The following LRP1 variants were observed in gnomAD, a reference collection of about 807,000 sequenced individuals.
LRP1 encodes the protein LDL receptor related protein 1.
Under a neutral mutation model 541.5 loss-of-function variants are expected in LRP1, and 51 were observed. That is an observed-to-expected ratio of 0.09 (90% CI 0.08 to 0.12). The LOEUF is 0.12. Ranked by LOEUF, LRP1 falls within the 10% of genes least tolerant of loss-of-function variation. The pLI, the probability that LRP1 is intolerant of heterozygous loss-of-function variation, is 1.00. For synonymous variants in LRP1, 2,219 were observed against 2,470.8 expected, an observed-to-expected ratio of 0.90 and a Z score of 3.02; for missense variants, 3,878 against 6,376.2, an observed-to-expected ratio of 0.61 and a Z score of 13.34.
rs1444741504 is a variant in LRP1 at position 57,177,054 on chromosome 12, C to G, written c.4005C>G (p.Phe1335Leu). Residue 1335 changes from phenylalanine (F) to leucine (L), a missense_variant, in exon 25 of 89, where the codon TTC becomes TTG. Phe to Leu is a conservative substitution (Grantham distance 22). Around this residue, in one of 13 missense-constraint regions of LRP1, gnomAD observed 320 missense variants for 547.9 expected, o/e 0.58. Coordinates refer to ENST00000243077, the MANE Select transcript of LRP1 (RefSeq NM_002332.3). This position sits in a 1 kb window ranked among gnomAD's most constrained non-coding sequence, Gnocchi z 6.8. Reference protein sequence around the residue: ...KLLDNGALTSFEVVIQYGLAT... With the variant: ...KLLDNGALTSLEVVIQYGLAT... ...TCTCTTCTCCAGCCCTGACTAGTTT[C>G]GAGGTGGTGATTCAGTATGGCCTGG... 6.2e-7 allele frequency: 1 copy of G among 1,613,964 alleles called. No homozygotes were observed. Among genetic ancestry groups the G allele is most frequent in the Non-Finnish European group, 8.5e-7 (1 of 1,179,968 alleles).
At position 57,128,719 on chromosome 12, in the gene LRP1, G is replaced by A. The variant is rs1043130353; in HGVS notation, c.-246G>A. 1 of 417,476 alleles carries A rather than the reference G, an allele frequency of 2.4e-6. No homozygotes were observed. Among genetic ancestry groups the A allele is most frequent in the Non-Finnish European group, 4.3e-6 (1 of 234,634 alleles). 25.9% of individuals were successfully genotyped at this position (417,476 alleles called of 1,614,324 possible). On this transcript the variant is annotated 5_prime_UTR_variant, in exon 1 of 89. Coordinates refer to ENST00000243077, the MANE Select transcript of LRP1 (RefSeq NM_002332.3). ...GGAAAGAGCAGCGAGGAGTGAAGCG[G>A]GGGGGTGGGGTGAAGGGTTTGGATT... is the stretch of plus-strand genomic sequence containing the variant.
Position 57,181,364 on chromosome 12 carries a change from C to A in LRP1, c.5662+73C>A, listed in dbSNP as rs568244756. Reference sequence around the variant, plus strand: ...GACCCCTCCTACCCTACAGCCCCACCTTCCTCTTCTTACCTTGGGGACAAG... The same window carrying A: ...GACCCCTCCTACCCTACAGCCCCACATTCCTCTTCTTACCTTGGGGACAAG... On this transcript the variant is annotated intron_variant, in intron 34 of 88. Coordinates refer to ENST00000243077, the MANE Select transcript of LRP1 (RefSeq NM_002332.3). 96 of 1,516,570 alleles carry A rather than the reference C, an allele frequency of 6.3e-5. 1 individual carries two copies. Among genetic ancestry groups the A allele is most frequent in the East Asian group, 5.7e-4 (25 of 44,102 alleles). The allele number at this position is 1,516,570 out of a possible 1,614,324, so 93.9% of individuals were successfully genotyped here. A position where few individuals can be genotyped will look rare whatever the true frequency, so the allele number is the denominator to read the frequency against.
Position 57,209,540 on chromosome 12 carries a change from C to T in LRP1, c.12263-152C>T, listed in dbSNP as rs1800161. On this transcript the variant is annotated intron_variant, in intron 79 of 88. Coordinates refer to ENST00000243077, the MANE Select transcript of LRP1 (RefSeq NM_002332.3). ...TGATGGGACCTTTTGCCAGTAGTGG[C>T]CACAGGAGGAGGAACCGGTGTGGGG... The T allele has an allele frequency of 7.2e-3, 4,746 of 660,912 alleles. 22 individuals are homozygous for T. Among genetic ancestry groups the T allele is most frequent in the Middle Eastern group, 0.014 (38 of 2,728 alleles). The allele number at this position is 660,912 out of a possible 1,614,324, so 40.9% of individuals were successfully genotyped here.
rs745607221 is a variant in LRP1 at position 57,191,421 on chromosome 12, C to T, written c.7338C>T (p.Asn2446=). ...DWVRRAVQRA[N]KHVGSNMKLL... Reference sequence around the variant, plus strand: ...TGCGGCGGGCAGTGCAGCGGGCCAACAAGCACGTGGGCAGCAACATGAAGC... The same window carrying T: ...TGCGGCGGGCAGTGCAGCGGGCCAATAAGCACGTGGGCAGCAACATGAAGC... The change falls in exon 44 of 89, where the codon AAC becomes AAT. Residue 2446 remains asparagine (N), a synonymous_variant. Transcript: ENST00000243077. 1 of 1,613,386 alleles carries T rather than the reference C, an allele frequency of 6.2e-7. No homozygotes were observed. The highest frequency in any genetic ancestry group is 8.5e-7 in the Non-Finnish European group (1 of 1,179,540).
At chr12:57,130,050 TG>T in intron 1 of LRP1, among the ~76,000 whole-genome samples, 1 of 152,142 alleles carries the variant, frequency 6.6e-6, no homozygotes. Flanking sequence ...TCCCTTTTTT[TG>T]TCAGCTGTTT....
intron 44 of LRP1, among the ~76,000 whole-genome samples, chr12:57,191,754 A>C: frequency 1.7e-5 from 2 of 116,242 alleles, no homozygotes; most frequent in African/African-American, 3.4e-5. Context: ...ATACACCCCC[A>C]ACACATACAC....
chr12:57,188,016 GA>G (rs928139195), intron 42 of LRP1, among the ~76,000 whole-genome samples: 3 of 152,234 alleles, frequency 2.0e-5, no homozygotes, highest in African/African-American at 7.2e-5. Context: ...AAAGCCTGAA[GA>G]AAGGCAAATT....
Position 57,208,784 on chromosome 12 carries a change from A to C in LRP1, c.12112A>C (p.Thr4038Pro). The part of the protein sequence containing the change: ...TAAMDGTLRE[T>P]LVQDNIQWPT... ...AGCGATGGATGGGACGCTTCGGGAGACACTGGTGCAGGACAACATTCAGTG... is the reference window on the plus strand; with the variant it reads ...AGCGATGGATGGGACGCTTCGGGAGCCACTGGTGCAGGACAACATTCAGTG... Residue 4038 changes from threonine to proline, a missense_variant, in exon 78 of 89, where the codon ACA (threonine) becomes CCA (proline). Thr to Pro is a conservative substitution (Grantham distance 38). This residue lies in a region of LRP1 where 871 missense variants were observed against 1,212.4 expected (regional missense o/e 0.72). Transcript: ENST00000243077. The C allele has an allele frequency of 6.2e-7, 1 of 1,614,010 alleles. No individual in the cohort carries two copies. Among genetic ancestry groups the C allele is most frequent in the Non-Finnish European group, 8.5e-7 (1 of 1,179,988 alleles).
chr12:57,149,426 G>A (rs542942560), intron 6 of LRP1: 90 of 573,722 alleles, frequency 1.6e-4, no homozygotes, highest in Non-Finnish European at 2.3e-4. Flanking sequence ...CTCCTCCCCC[G>A]CTGTCTCCTT....
rs752459699 is a variant in LRP1 at position 57,179,978 on chromosome 12, G to C, written c.5141+22G>C. ...GTGGGTCAGTCTAGGGCCCAGGGCC[G>C]GGGAGCATGGGGTGTGGGGCTGGGA... On this transcript the variant is annotated intron_variant, in intron 30 of 88. Coordinates refer to ENST00000243077, the MANE Select transcript of LRP1 (RefSeq NM_002332.3). This position sits in a 1 kb window ranked among gnomAD's most constrained non-coding sequence, Gnocchi z 6.8. The C allele has an allele frequency of 5.0e-6, 8 of 1,613,826 alleles. No individual in the cohort carries two copies. Among genetic ancestry groups the C allele is most frequent in the Non-Finnish European group, 6.8e-6 (8 of 1,179,862 alleles).
At chr12:57,194,944 C>G in intron 50 of LRP1, 41 bp from the exon 51 acceptor site, 1 of 1,540,838 alleles carries the variant, frequency 6.5e-7, no homozygotes, top group South Asian at 1.1e-5. Context: ...GTGGGTGACC[C>G]CCACCCTTCC....
rs568006678 is a variant in LRP1 at position 57,212,014 on chromosome 12, A to G, written c.13346A>G (p.Gln4449Arg). 3 of 1,613,996 alleles carry G rather than the reference A, an allele frequency of 1.9e-6. No individual in the cohort carries two copies. The highest frequency in any genetic ancestry group is 1.1e-5 in the South Asian group (1 of 91,078). The change falls in exon 87 of 89, where the codon CAA becomes CGA. Residue 4449 changes from glutamine (Q) to arginine (R), a missense_variant. By Grantham distance (43) the Gln-to-Arg change is conservative. Coordinates refer to ENST00000243077, the MANE Select transcript of LRP1 (RefSeq NM_002332.3). This position sits in a 1 kb window ranked among gnomAD's most constrained non-coding sequence, Gnocchi z 5.0. ...GVVFWYKRRV[Q>R]GAKGFQHQRM... is the part of the protein sequence containing the mutation. Reference sequence around the variant, plus strand: ...GTATTCTGGTATAAGCGGCGAGTCCAAGGGTGAGTCACAGGGATTCTGGAA... The same window carrying G: ...GTATTCTGGTATAAGCGGCGAGTCCGAGGGTGAGTCACAGGGATTCTGGAA...
chr12:57,142,923 T>TG (rs2136660401), intron 3 of LRP1, among the ~76,000 whole-genome samples: 1 of 152,016 alleles, frequency 6.6e-6, no homozygotes, highest in Non-Finnish European at 1.5e-5. Context: ...CTCTCCTAGG[T>TG]GGGGGTGGAG....
At chr12:57,168,935 C>T (rs1259973423) in intron 19 of LRP1, among the ~76,000 whole-genome samples, 1 of 152,156 alleles carries the variant, frequency 6.6e-6, no homozygotes, top group Non-Finnish European at 1.5e-5. Context: ...CAGGAGCCTT[C>T]TCCTCCTCCT....
Position 57,194,361 on chromosome 12 carries a change from C to G in LRP1, c.7926C>G (p.Thr2642=), listed in dbSNP as rs76765217. 2.0e-6 allele frequency: 3 copies of G among 1,510,028 alleles called. No homozygotes were observed. Among genetic ancestry groups the G allele is most frequent in the African/African-American group, 2.8e-5 (2 of 71,436 alleles). 93.5% of individuals were successfully genotyped at this position (1,510,028 alleles called of 1,614,324 possible). A position where few individuals can be genotyped will look rare whatever the true frequency, so the allele number is the denominator to read the frequency against. Residue 2642 remains threonine (T), a synonymous_variant, in exon 49 of 89, where the codon ACC becomes ACG. Coordinates refer to ENST00000243077, the MANE Select transcript of LRP1 (RefSeq NM_002332.3). ...DASDEMNCSA[T]DCSSYFRLGV... is the part of the protein sequence containing the mutation. The stretch of plus-strand genomic sequence containing the variant: ...CACCCCTGCCCCCACCAGGTGCCAC[C>G]GACTGCAGCAGCTACTTCCGCCTGG...
In LRP1 at chr12:57,201,519, C is replaced by T. The variant is rs774213196; in HGVS notation, c.10368C>T (p.Asn3456=). ...CAGCCGAGGTGACCTGCGCCCCCAA[C>T]CAGTTCCAGTGCTCCATTACCAAAC... ...RDCPEVTCAP[N]QFQCSITKRC... is the part of the protein sequence containing the mutation. The change falls in exon 66 of 89, where the codon AAC becomes AAT. Residue 3456 remains asparagine, a synonymous_variant. Transcript: ENST00000243077. The surrounding 1 kb of genome is among the most constrained non-coding windows in gnomAD (Gnocchi z 6.4). 6.2e-6 allele frequency: 10 copies of T among 1,613,660 alleles called. No homozygotes were observed. The Admixed American group carries it at 6.7e-5, about 11-fold the overall frequency.
At chr12:57,166,563 A>G (rs1297712781) in intron 17 of LRP1, among the ~76,000 whole-genome samples, 1 of 152,148 alleles carries the variant, frequency 6.6e-6, no homozygotes, top group Admixed American at 6.5e-5. Flanking sequence ...CTGTCTCTAA[A>G]AATAAAATGA....
chr12:57,191,502 C>T lies in LRP1; in HGVS notation c.7419C>T (p.Asp2473=), dbSNP rs777115729. The part of the protein sequence containing the change: ...QPMGIIAVAN[D]TNSCELSPCR... ...TGGGCATCATCGCCGTGGCCAACGA[C>T]ACCAACAGCTGTGAGTGGGGCTGCC... is the stretch of plus-strand genomic sequence containing the variant. The change falls in exon 44 of 89, where the codon GAC becomes GAT. Residue 2473 remains aspartate (D), a synonymous_variant. Transcript: ENST00000243077. The T allele has an allele frequency of 6.3e-7, 1 of 1,592,420 alleles. No homozygotes were observed. Among genetic ancestry groups the T allele is most frequent in the Non-Finnish European group, 8.6e-7 (1 of 1,165,522 alleles).
intron 19 of LRP1, among the ~76,000 whole-genome samples, chr12:57,168,746 G>A (rs1481800453): frequency 6.6e-6 from 1 of 152,170 alleles, no homozygotes; most frequent in Non-Finnish European, 1.5e-5. Context: ...GGCCTGTAAA[G>A]CTTGTCTCAA....
Sources: gnomAD v4.1 joint callset for allele counts (sites outside exome capture counted in the v4.1 genomes callset) on GRCh38, gnomAD v4.1.1 for gene constraint, gnomAD v4.1.1 regional missense constraint, Gnocchi (gnomAD v3.1) non-coding constraint, MANE v1.5 for transcripts, NCBI Gene and HGNC (gene_info 2026-07-23, HGNC 2026-07-21) for gene names.